DHRSX: variants seen among roughly 807,000 people sequenced by gnomAD.
DHRSX encodes dehydrogenase/reductase X-linked.
A neutral mutation model predicts 34.0 loss-of-function variants in DHRSX; 31 were observed. That is an observed-to-expected ratio of 0.91 (90% confidence interval 0.69 to 1.23). The LOEUF (loss-of-function observed/expected upper bound fraction) is 1.23, where lower values mean the gene tolerates loss of function less well. DHRSX is among the 50% of genes most tolerant of loss of function. The pLI, the probability that DHRSX is intolerant of heterozygous loss-of-function variation, is 0.00. For missense variants in DHRSX, 414 were observed against 428.1 expected (o/e 0.97, Z 0.29); for synonymous variants, 201 against 183.8 (o/e 1.09, Z -0.76).
chrX:2,231,583 G>A (rs1223712924), intron 6 of DHRSX, among the ~76,000 whole-genome samples: 4 of 86,508 alleles, frequency 4.6e-5, no homozygotes, highest in South Asian at 3.8e-4. Context: ...CTCCTCCATC[G>A]TATCCTCCTT....
At chrX:2,473,270 T>C (rs1480029039) in intron 1 of DHRSX, among the ~76,000 whole-genome samples, 2 of 152,142 alleles carry the variant, frequency 1.3e-5, no homozygotes, top group Admixed American at 1.3e-4. Flanking sequence ...GGAAGGTGGA[T>C]GACTCATTTG....
chrX:2,333,664 C>T (rs1382758328), intron 3 of DHRSX, among the ~76,000 whole-genome samples: 7 of 152,064 alleles, frequency 4.6e-5, no homozygotes, highest in African/African-American at 1.2e-4. Flanking sequence ...CTGCCCACCT[C>T]GGCCTCCCAA....
intron 3 of DHRSX, among the ~76,000 whole-genome samples, chrX:2,296,218 C>T: frequency 6.6e-6 from 1 of 152,216 alleles, no homozygotes; most frequent in South Asian, 2.1e-4. Flanking sequence ...TTTGAGTGTC[C>T]AGAGCTAGGC....
intron 1 of DHRSX, among the ~76,000 whole-genome samples, chrX:2,459,631 C>T (rs978569654): frequency 6.1e-5 from 9 of 147,778 alleles, no homozygotes; most frequent in African/African-American, 1.5e-4. Flanking sequence ...TTTTTGTTAA[C>T]GAACAATAAA....
At chrX:2,387,904 C>CAA (rs557047764) in intron 3 of DHRSX, among the ~76,000 whole-genome samples, 31,370 of 73,732 alleles carry the variant, frequency 0.43, 7,430 homozygotes, top group Non-Finnish European at 0.53. Context: ...CCCTCCCCTG[C>CAA]AAAAAAAAAA....
chrX:2,266,419 C>T (rs1376283969), intron 5 of DHRSX, among the ~76,000 whole-genome samples: 1 of 149,950 alleles, frequency 6.7e-6, no homozygotes, highest in South Asian at 2.1e-4. Context: ...GCAGGGAGCA[C>T]TGTTCCCAGA....
chrX:2,240,031 G>A (rs762378231), intron 6 of DHRSX, among the ~76,000 whole-genome samples: 2 of 151,750 alleles, frequency 1.3e-5, no homozygotes, highest in East Asian at 2.0e-4. Context: ...GGTGGCTCAC[G>A]CCTGTAATCC....
At chrX:2,385,836 G>T (rs1056226903) in intron 3 of DHRSX, among the ~76,000 whole-genome samples, 8 of 152,040 alleles carry the variant, frequency 5.3e-5, no homozygotes, top group Admixed American at 5.2e-4. Flanking sequence ...GTTCATTTGG[G>T]AGTAAAACGG....
chrX:2,311,202 G>A (rs1168253112), intron 3 of DHRSX, among the ~76,000 whole-genome samples: 1 of 151,426 alleles, frequency 6.6e-6, no homozygotes, highest in Non-Finnish European at 1.5e-5. Flanking sequence ...GAATGAGAGA[G>A]ACAGAGGTTG....
At chrX:2,356,578 A>G (rs1602997063) in intron 3 of DHRSX, among the ~76,000 whole-genome samples, 1 of 152,180 alleles carries the variant, frequency 6.6e-6, no homozygotes, top group African/African-American at 2.4e-5. Flanking sequence ...ACACAGAAAC[A>G]TAGTTGATCC....
chrX:2,446,081 AG>A (rs1306437027), intron 1 of DHRSX, among the ~76,000 whole-genome samples: 1 of 151,728 alleles, frequency 6.6e-6, no homozygotes, highest in East Asian at 1.9e-4. Context: ...TACACACTGA[AG>A]ATGTTCCCGA....
intron 1 of DHRSX, among the ~76,000 whole-genome samples, chrX:2,477,893 G>A (rs1483916179): frequency 6.6e-6 from 1 of 151,552 alleles, no homozygotes; most frequent in Non-Finnish European, 1.5e-5. Flanking sequence ...GAGGCAGCCA[G>A]GACACAAGCC....
chrX:2,373,867 G>C (rs1444254124), intron 3 of DHRSX, among the ~76,000 whole-genome samples: 1 of 152,160 alleles, frequency 6.6e-6, no homozygotes, highest in Non-Finnish European at 1.5e-5. Context: ...GAACCCAGGA[G>C]GAGGGTTATC....
Position 2,408,783 on chromosome X carries a change from A to C in DHRSX, c.248T>G (p.Val83Gly). Residue 83 changes from valine (V) to glycine (G), a missense_variant, in exon 3 of 7, where the codon GTT becomes GGT. Coordinates refer to ENST00000334651, the MANE Select transcript of DHRSX (RefSeq NM_145177.3). ...GGTTTCTTCTTTTATTTTGCTTACA[A>C]CTTGTTTGGCTTTGCTGTCATTATT... is the stretch of plus-strand genomic sequence containing the variant. The part of the protein sequence containing the change: ...AGNNDSKAKQ[V>G]VSKIKEETLN... 6.2e-7 allele frequency: 1 copy of C among 1,613,232 alleles called. No homozygotes were observed. The highest frequency in any genetic ancestry group is 1.3e-5 in the African/African-American group (1 of 74,962).
At chrX:2,289,753 C>A (rs1007115989) in intron 4 of DHRSX, among the ~76,000 whole-genome samples, 1 of 152,194 alleles carries the variant, frequency 6.6e-6, no homozygotes, top group East Asian at 1.9e-4. Flanking sequence ...GAAGTCCACA[C>A]CCAGTGCTGA....
chrX:2,326,084 G>A (rs766278238), intron 3 of DHRSX, among the ~76,000 whole-genome samples: 1 of 152,320 alleles, frequency 6.6e-6, no homozygotes, highest in South Asian at 2.1e-4. Context: ...ATCACAAGAC[G>A]AAATGCTGCC....
At position 2,500,936 on chromosome X, in the gene DHRSX, G is replaced by GCCGCGCCGCCGCCGCTT. The variant is rs995997680; in HGVS notation, c.-28_-12dup. 8.6e-6 allele frequency: 9 copies of GCCGCGCCGCCGCCGCTT among 1,051,908 alleles called. No homozygotes were observed. The highest frequency in any genetic ancestry group is 1.7e-5 in the African/African-American group (1 of 58,190). 65.2% of individuals were successfully genotyped at this position (1,051,908 alleles called of 1,614,324 possible). Reference sequence around the variant, plus strand: ...AGACAATGGCGACATGGCTGCCCCGGCCGCGCCGCCGCCGCTTCCGCGCCG... The same window carrying GCCGCGCCGCCGCCGCTT: ...AGACAATGGCGACATGGCTGCCCCGGCCGCGCCGCCGCCGCTTCCGCGCCGCCGCCGCTTCCGCGCCG... On this transcript the variant is annotated 5_prime_UTR_variant, in exon 1 of 7. Coordinates refer to ENST00000334651, the MANE Select transcript of DHRSX (RefSeq NM_145177.3).
intron 5 of DHRSX, among the ~76,000 whole-genome samples, chrX:2,260,917 G>A (rs1252471348): frequency 1.3e-5 from 2 of 152,044 alleles, no homozygotes; most frequent in Non-Finnish European, 2.9e-5. Context: ...CTTCAGATAA[G>A]AGTTAATGGT....
At chrX:2,465,131 G>T (rs1452941445) in intron 1 of DHRSX, among the ~76,000 whole-genome samples, 3 of 152,006 alleles carry the variant, frequency 2.0e-5, no homozygotes, top group African/African-American at 7.2e-5. Flanking sequence ...TGTACACACT[G>T]AAGACATTCC....
Sources: allele counts gnomAD v4.1 joint callset (sites outside exome capture counted in the v4.1 genomes callset), GRCh38; gene constraint gnomAD v4.1.1; transcripts MANE v1.5; gene names NCBI Gene and HGNC (gene_info 2026-07-23, HGNC 2026-07-21).